The following TRAPPC9 variants were observed in gnomAD, a reference collection of about 807,000 sequenced individuals.
The protein encoded by TRAPPC9 is IKK2 binding protein.
TRAPPC9 carries 83 observed loss-of-function variants against 124.0 expected under a neutral mutation model. That is an observed-to-expected ratio of 0.67 (90% CI 0.56 to 0.80). The LOEUF (loss-of-function observed/expected upper bound fraction) is 0.80, where lower values mean the gene tolerates loss of function less well. Among genes scored for constraint, TRAPPC9 ranks in the 30% least tolerant of loss-of-function variants. TRAPPC9 has a pLI of 0.00. For missense variants in TRAPPC9, 1,302 were observed against 1,508.3 expected, an observed-to-expected ratio of 0.86 and a Z score of 2.27; for synonymous variants, 638 against 617.5, an observed-to-expected ratio of 1.03 and a Z score of -0.49.
At chr8:140,154,100 C>A (rs1007105636) in intron 17 of TRAPPC9, among the ~76,000 whole-genome samples, 14 of 152,204 alleles carry the variant, frequency 9.2e-5, no homozygotes, top group Admixed American at 2.6e-4. Context: ...CTCGCCAGAT[C>A]TAGGACTAAA....
chr8:140,206,073 C>A (rs1025131465), intron 17 of TRAPPC9, among the ~76,000 whole-genome samples: 1 of 152,100 alleles, frequency 6.6e-6, no homozygotes, highest in Non-Finnish European at 1.5e-5. Flanking sequence ...AAGGTTTATC[C>A]CCAGAATGCA....
At chr8:140,142,222 C>A (rs1256967888) in intron 17 of TRAPPC9, among the ~76,000 whole-genome samples, 2 of 152,256 alleles carry the variant, frequency 1.3e-5, no homozygotes, top group Non-Finnish European at 2.9e-5. Context: ...CACGGCATCT[C>A]GTGCACACAT....
chr8:140,458,149 G>A, upstream of TRAPPC9: 3 of 1,214,488 alleles, frequency 2.5e-6, no homozygotes, highest in Non-Finnish European at 3.3e-6. Flanking sequence ...GAGGAGGGAA[G>A]GAGGGAGATG....
At chr8:139,840,212 G>C (rs185433754) in intron 21 of TRAPPC9, among the ~76,000 whole-genome samples, 39 of 152,316 alleles carry the variant, frequency 2.6e-4, no homozygotes, top group African/African-American at 9.4e-4. Context: ...CTGTGGCTGC[G>C]GCGGCCCTGG....
At chr8:140,255,249 C>A (rs146284589) in intron 15 of TRAPPC9, among the ~76,000 whole-genome samples, 1 of 152,218 alleles carries the variant, frequency 6.6e-6, no homozygotes, top group African/African-American at 2.4e-5. Flanking sequence ...CAGAACACCT[C>A]AAATGTGCCA....
intron 9 of TRAPPC9, among the ~76,000 whole-genome samples, chr8:140,344,049 C>T (rs77361897): frequency 6.6e-6 from 1 of 152,228 alleles, no homozygotes; most frequent in East Asian, 1.9e-4. Flanking sequence ...TCACGTTATA[C>T]CCTAACTCCC....
chr8:140,066,753 A>T (rs1842912864), intron 17 of TRAPPC9, among the ~76,000 whole-genome samples: 1 of 152,250 alleles, frequency 6.6e-6, no homozygotes, highest in Non-Finnish European at 1.5e-5. Context: ...TTAAAAAGAA[A>T]TCTGAAAAGG....
At chr8:139,912,497 T>C (rs1458953903) in intron 19 of TRAPPC9, among the ~76,000 whole-genome samples, 1 of 152,218 alleles carries the variant, frequency 6.6e-6, no homozygotes, top group Non-Finnish European at 1.5e-5. Flanking sequence ...CACTTACGAC[T>C]GACTCTCAGG....
At chr8:139,830,062 A>G (rs1447771483) in intron 21 of TRAPPC9, among the ~76,000 whole-genome samples, 1 of 152,238 alleles carries the variant, frequency 6.6e-6, no homozygotes. Flanking sequence ...CTCCATTAGC[A>G]TAAGCTGAAG....
intron 9 of TRAPPC9, among the ~76,000 whole-genome samples, chr8:140,334,398 C>T (rs1464206164): frequency 6.6e-6 from 1 of 151,726 alleles, no homozygotes; most frequent in African/African-American, 2.4e-5. Flanking sequence ...GCCTATAATC[C>T]CAGCACTTTG....
chr8:139,762,199 G>A (rs1248150304), intron 21 of TRAPPC9, among the ~76,000 whole-genome samples: 1 of 151,856 alleles, frequency 6.6e-6, no homozygotes, highest in Non-Finnish European at 1.5e-5. Context: ...GACCCCTGGA[G>A]TACCTCTAAC....
intron 18 of TRAPPC9, among the ~76,000 whole-genome samples, chr8:139,999,188 G>A (rs533940463): frequency 7.3e-5 from 11 of 151,518 alleles, no homozygotes; most frequent in East Asian, 1.9e-4. Context: ...GTCAGAATAC[G>A]TTTAAACAAA....
chr8:140,043,390 G>A lies in TRAPPC9; in HGVS notation c.2557-19311C>T, dbSNP rs139052531. Among the ~76,000 whole-genome samples the A allele has an allele frequency of 6.4e-3, 978 of 152,222 alleles. 15 individuals carry two copies. The highest frequency in any genetic ancestry group is 0.022 in the African/African-American group (929 of 41,528). ...AAAGCCCATTATTCCCATTCTCCAG[G>A]TGAGGAAAATGAGGCTTAAAGAGCA... is the stretch of plus-strand genomic sequence containing the variant. On this transcript the variant is annotated intron_variant, in intron 17 of 22. Transcript: ENST00000438773.
rs142444106 is a variant in TRAPPC9 at position 140,224,064 on chromosome 8, C to T, written c.2432-2481G>A. On this transcript the variant is annotated intron_variant, in intron 16 of 22. Coordinates refer to ENST00000438773, the MANE Select transcript of TRAPPC9 (RefSeq NM_001160372.4). The stretch of plus-strand genomic sequence containing the variant: ...GACACGTATGAAGACTGTGATCAAG[C>T]ACTTAAGAGCAGGGTCCTCTCTGCA... Among the ~76,000 whole-genome samples the T allele has an allele frequency of 3.2e-3, 491 of 152,262 alleles. 4 individuals are homozygous for T. The highest frequency in any genetic ancestry group is 0.011 in the African/African-American group (473 of 41,554).
chr8:139,820,658 C>G (rs1008710951), intron 21 of TRAPPC9, among the ~76,000 whole-genome samples: 2 of 152,140 alleles, frequency 1.3e-5, no homozygotes, highest in Non-Finnish European at 2.9e-5. Context: ...GGTATTAAAA[C>G]ATATCTTAAA....
At chr8:140,147,986 G>T (rs2130808738) in intron 17 of TRAPPC9, among the ~76,000 whole-genome samples, 1 of 152,372 alleles carries the variant, frequency 6.6e-6, no homozygotes, top group African/African-American at 2.4e-5. Context: ...TCCTGCTCGA[G>T]AAACACTTCC....
intron 18 of TRAPPC9, among the ~76,000 whole-genome samples, chr8:140,022,885 G>A (rs1197785907): frequency 6.6e-6 from 1 of 152,176 alleles, no homozygotes; most frequent in Non-Finnish European, 1.5e-5. Flanking sequence ...TCCAATGGCT[G>A]GGAAGAAAAA....
At chr8:140,415,445 C>T (rs2132485269) in intron 5 of TRAPPC9, among the ~76,000 whole-genome samples, 1 of 151,572 alleles carries the variant, frequency 6.6e-6, no homozygotes, top group East Asian at 2.0e-4. Flanking sequence ...ATCCCAGTTA[C>T]TCGGAAAGCT....
intron 17 of TRAPPC9, among the ~76,000 whole-genome samples, chr8:140,120,629 A>G (rs1372364615): frequency 1.4e-5 from 2 of 141,524 alleles, no homozygotes; most frequent in African/African-American, 5.4e-5. Context: ...TCCGTCCAAC[A>G]TCCAACATCC....
Sources: allele counts gnomAD v4.1 joint callset (sites outside exome capture counted in the v4.1 genomes callset), GRCh38; gene constraint gnomAD v4.1.1; transcripts MANE v1.5; gene names NCBI Gene and HGNC (gene_info 2026-07-23, HGNC 2026-07-21).